The following IL1RAP variants were observed in gnomAD, a reference collection of about 807,000 sequenced individuals.
IL1RAP encodes the protein interleukin-1 receptor accessory protein.
A neutral mutation model predicts 60.7 loss-of-function variants in IL1RAP; 35 were observed. The observed-to-expected ratio is 0.58, with a 90% CI of 0.44 to 0.76. The LOEUF is 0.76. Ranked by LOEUF, IL1RAP falls within the 30% of genes least tolerant of loss-of-function variation. IL1RAP has a pLI of 0.00. For synonymous variants in IL1RAP, 268 were observed against 250.9 expected, an observed-to-expected ratio of 1.07 and a Z score of -0.64; for missense variants, 572 against 693.9, an observed-to-expected ratio of 0.82 and a Z score of 1.97.
chr3:190,542,445 G>A (rs1008862606), intron 1 of IL1RAP, among the ~76,000 whole-genome samples: 5 of 152,156 alleles, frequency 3.3e-5, no homozygotes, highest in African/African-American at 1.2e-4. Flanking sequence ...TGAATATGAA[G>A]TAAAATAAGA....
rs769563293 is a variant in IL1RAP at position 190,629,514 on chromosome 3, A to G, written c.1051+16A>G. 2 of 1,595,616 alleles carry G rather than the reference A, an allele frequency of 1.3e-6. No homozygotes were observed. The highest frequency in any genetic ancestry group is 1.7e-6 in the Non-Finnish European group (2 of 1,172,310). On this transcript the variant is annotated intron_variant, in intron 9 of 11. Transcript: ENST00000447382. ...AAGCAGAAAGGTAATAGATGCGGTCAGTGATGAATCTCTCAGCTCCAAATT... is the reference window on the plus strand; with the variant it reads ...AAGCAGAAAGGTAATAGATGCGGTCGGTGATGAATCTCTCAGCTCCAAATT...
chr3:190,615,056 C>G (rs1419584333), intron 5 of IL1RAP, among the ~76,000 whole-genome samples: 1 of 82,232 alleles, frequency 1.2e-5, no homozygotes, highest in African/African-American at 3.6e-5. Flanking sequence ...CCTTCTCTTT[C>G]TCCTCTTTTT....
At chr3:190,522,167 C>T (rs117225464) in intron 1 of IL1RAP, among the ~76,000 whole-genome samples, 3 of 152,104 alleles carry the variant, frequency 2.0e-5, no homozygotes, top group African/African-American at 4.8e-5. Context: ...TAGAGTAGAT[C>T]GTAAGAAGTA....
At position 190,649,887 on chromosome 3, in the gene IL1RAP, A is replaced by T. The variant is rs1734288969; in HGVS notation, c.*1182A>T. ...TGCTGTTTTTAAGACTTGGAAAACT[A>T]AGTGCAGAGTTTACAGAGTGGTAAA... is the stretch of plus-strand genomic sequence containing the variant. On this transcript the variant is annotated 3_prime_UTR_variant, in exon 12 of 12. Coordinates refer to ENST00000447382, the MANE Select transcript of IL1RAP (RefSeq NM_002182.4). 1 of 983,714 alleles carries T rather than the reference A, an allele frequency of 1.0e-6. No homozygotes were observed. Among genetic ancestry groups the T allele is most frequent in the Non-Finnish European group, 1.2e-6 (1 of 828,408 alleles). The allele number at this position is 983,714 out of a possible 1,614,324, so 60.9% of individuals were successfully genotyped here.
At chr3:190,578,899 C>T (rs534003429) in intron 3 of IL1RAP, among the ~76,000 whole-genome samples, 11 of 152,276 alleles carry the variant, frequency 7.2e-5, no homozygotes, top group South Asian at 2.1e-4. Flanking sequence ...GGGAAAAACC[C>T]GCACCTGTGA....
chr3:190,627,246 G>A (rs1192339807), intron 7 of IL1RAP, 77 bp from the exon 8 acceptor site: 29 of 1,279,248 alleles, frequency 2.3e-5, no homozygotes, highest in Non-Finnish European at 2.7e-5. Context: ...GGCTAACTTT[G>A]TCTTTGTTTT....
intron 1 of IL1RAP, chr3:190,554,763 G>GTGTGTC (rs1465116041): frequency 7.6e-5 from 11 of 145,576 alleles, no homozygotes; most frequent in South Asian, 6.6e-4. Context: ...GTGTGTGTGT[G>GTGTGTC]TCTCTAACTT....
At chr3:190,610,481 A>C (rs544441463) in intron 5 of IL1RAP, among the ~76,000 whole-genome samples, 1 of 152,136 alleles carries the variant, frequency 6.6e-6, no homozygotes, top group South Asian at 2.1e-4. Flanking sequence ...ATACCTTAAG[A>C]TTAGTAGAAG....
intron 8 of IL1RAP, among the ~76,000 whole-genome samples, chr3:190,628,123 AT>A (rs1238792758): frequency 6.6e-6 from 1 of 152,158 alleles, no homozygotes; most frequent in Non-Finnish European, 1.5e-5. Context: ...AATAAACCTG[AT>A]TTTTTAAAGC....
At chr3:190,657,637 G>A (rs1734657080) in exon 12 of IL1RAP, 2 of 152,184 alleles carry the variant, frequency 1.3e-5, no homozygotes, top group South Asian at 4.1e-4. Context: ...AGGGACATAG[G>A]CACAGATAGT....
chr3:190,650,977 A>G lies in IL1RAP; in HGVS notation c.*2272A>G, dbSNP rs376800907. 1 of 985,310 alleles carries G rather than the reference A, an allele frequency of 1.0e-6. No individual in the cohort carries two copies. 61.0% of individuals were successfully genotyped at this position (985,310 alleles called of 1,614,324 possible). On this transcript the variant is annotated 3_prime_UTR_variant, in exon 12 of 12. Transcript: ENST00000447382. ...ATACCTTGATGTTTTTTCTATTTAT[A>G]TGCCTGCCTTTGGTACTTAATTTTA...
At chr3:190,562,507 G>T (rs1406182659) in intron 2 of IL1RAP, among the ~76,000 whole-genome samples, 1 of 151,990 alleles carries the variant, frequency 6.6e-6, no homozygotes, top group Admixed American at 6.6e-5. Context: ...AAAGTGTCTT[G>T]CTGGGGGTTC....
chr3:190,638,942 A>G (rs1733441115), intron 9 of IL1RAP, among the ~76,000 whole-genome samples: 2 of 152,030 alleles, frequency 1.3e-5, no homozygotes, highest in East Asian at 1.9e-4. Context: ...CTCCTGGCTA[A>G]TATTATTTAA....
chr3:190,599,638 C>T (rs1729681343), intron 3 of IL1RAP, among the ~76,000 whole-genome samples: 2 of 149,388 alleles, frequency 1.3e-5, no homozygotes, highest in South Asian at 4.2e-4. Context: ...TTGTATACTT[C>T]AGTTCTCAGA....
chr3:190,556,271 T>C (rs1474257388), intron 2 of IL1RAP, 55 bp downstream of exon 2: 1 of 152,120 alleles, frequency 6.6e-6, no homozygotes, highest in Admixed American at 6.6e-5. Flanking sequence ...CCTTATCGAC[T>C]TTAAGTTCTC....
chr3:190,611,657 C>T (rs1419997613), intron 5 of IL1RAP, among the ~76,000 whole-genome samples: 3 of 152,072 alleles, frequency 2.0e-5, no homozygotes, highest in African/African-American at 4.8e-5. Context: ...TGACATGGGC[C>T]GTGACGAAGG....
rs550808025 is a variant in IL1RAP, at chr3:190,629,845, G to T, written c.1051+347G>T. 6.9e-4 allele frequency: 694 copies of T among 999,180 alleles called. 2 individuals are homozygous for T. The highest frequency in any genetic ancestry group is 8.0e-4 in the Non-Finnish European group (673 of 836,582). The allele number at this position is 999,180 out of a possible 1,614,324, so 61.9% of individuals were successfully genotyped here. On this transcript the variant is annotated intron_variant, in intron 9 of 11. Coordinates refer to ENST00000447382, the MANE Select transcript of IL1RAP (RefSeq NM_002182.4). The stretch of plus-strand genomic sequence containing the variant: ...GAAAAAACTGGTAGAGCCACATATT[G>T]TTGGTGAATTATTAAGACCCTTTTA...
Position 190,648,518 on chromosome 3 carries a change from C to T in IL1RAP, c.1526C>T (p.Thr509Met), listed in dbSNP as rs368426554. Residue 509 changes from threonine (T) to methionine (M), a missense_variant, in exon 12 of 12, where the codon ACG becomes ATG. Coordinates refer to ENST00000447382, the MANE Select transcript of IL1RAP (RefSeq NM_002182.4). ...ILVQYKAVKE[T>M]KVKELKRAKT... ...GTACAGTACAAAGCTGTGAAGGAAA[C>T]GAAGGTGAAAGAGCTGAAGAGGGCT... is the stretch of plus-strand genomic sequence containing the variant. 2.7e-5 allele frequency: 44 copies of T among 1,613,758 alleles called. No individual in the cohort carries two copies. The highest frequency in any genetic ancestry group is 3.4e-5 in the Non-Finnish European group (40 of 1,180,008).
intron 1 of IL1RAP, among the ~76,000 whole-genome samples, chr3:190,522,180 C>T (rs1030826737): frequency 6.6e-6 from 1 of 152,000 alleles, no homozygotes; most frequent in African/African-American, 2.4e-5. Context: ...AAGAAGTAGG[C>T]TGAGCTTCGG....
Sources: allele counts gnomAD v4.1 joint callset (sites outside exome capture counted in the v4.1 genomes callset), GRCh38; gene constraint gnomAD v4.1.1; transcripts MANE v1.5; gene names NCBI Gene and HGNC (gene_info 2026-07-23, HGNC 2026-07-21).